Variants in SORCS3 observed in about 807,000 individuals in gnomAD.
SORCS3 encodes sortilin related VPS10 domain containing receptor 3.
In SORCS3, 57 loss-of-function variants were observed where a neutral mutation model predicts 146.3. The observed-to-expected ratio is 0.39, with a 90% CI of 0.31 to 0.49. The LOEUF is 0.49. Ranked by LOEUF, SORCS3 falls within the 20% of genes least tolerant of loss-of-function variation. The pLI, the probability that SORCS3 is intolerant of heterozygous loss-of-function variation, is 0.92. For synonymous variants in SORCS3, 653 were observed against 618.5 expected (o/e 1.06, Z -0.83); for missense variants, 1,341 against 1,575.5 (o/e 0.85, Z 2.52).
intron 1 of SORCS3, among the ~76,000 whole-genome samples, chr10:104,833,539 T>G (rs548926621): frequency 6.6e-6 from 1 of 152,270 alleles, no homozygotes; most frequent in South Asian, 2.1e-4. Context: ...CATCTGATGC[T>G]TGAAAGTCTC....
At chr10:105,199,910 T>G in intron 14 of SORCS3, 89 bp from the exon 15 acceptor site, 1 of 926,080 alleles carries the variant, frequency 1.1e-6, no homozygotes, top group East Asian at 2.5e-5. Context: ...CTGCAGTGAA[T>G]CTCTATCTCC....
chr10:104,915,797 T>C, intron 2 of SORCS3, 36 bp from the exon 3 acceptor site: 8 of 1,582,004 alleles, frequency 5.1e-6, no homozygotes, highest in South Asian at 2.2e-5. Flanking sequence ...ATTGGTAAAA[T>C]GATCTCTCCC....
intron 3 of SORCS3, among the ~76,000 whole-genome samples, chr10:104,917,219 T>G (rs2019039636): frequency 6.6e-6 from 1 of 152,174 alleles, no homozygotes; most frequent in Non-Finnish European, 1.5e-5. Context: ...TTTATTTGAG[T>G]AGTTTCTTTT....
rs2056292930 is a variant in SORCS3, at chr10:105,164,249, G to A, written c.1733-54G>A. 16 of 1,367,624 alleles carry A rather than the reference G, an allele frequency of 1.2e-5. 1 individual carries two copies. In the South Asian group the frequency reaches 1.9e-4, roughly 16 times the overall value. 84.7% of individuals were successfully genotyped at this position (1,367,624 alleles called of 1,614,324 possible). ...CTGCTCCCCCATCCCTCAGCCCTAAGCACACTTAATTGGTAAACTCCTGAC... is the reference window on the plus strand; with the variant it reads ...CTGCTCCCCCATCCCTCAGCCCTAAACACACTTAATTGGTAAACTCCTGAC... On this transcript the variant is annotated intron_variant, in intron 11 of 26. Coordinates refer to ENST00000369701, the MANE Select transcript of SORCS3 (RefSeq NM_014978.3).
intron 4 of SORCS3, among the ~76,000 whole-genome samples, chr10:104,995,977 A>G (rs1224578400): frequency 6.6e-6 from 1 of 152,212 alleles, no homozygotes; most frequent in Non-Finnish European, 1.5e-5. Context: ...GCATATGGAT[A>G]CCAAATTATT....
At chr10:105,177,122 G>T (rs2056410941) in intron 13 of SORCS3, among the ~76,000 whole-genome samples, 1 of 152,042 alleles carries the variant, frequency 6.6e-6, no homozygotes. Flanking sequence ...TTCAAGATCA[G>T]TTAAGGAGTC....
In SORCS3 at chr10:105,219,022, AAT is replaced by A. The variant is rs1554887616; in HGVS notation, c.2734+1911_2734+1912del. Among the ~76,000 whole-genome samples, 3 of 152,048 alleles carry A rather than the reference AAT, an allele frequency of 2.0e-5. No homozygotes were observed. The South Asian group carries it at 6.2e-4, about 32-fold the overall frequency. On this transcript the variant is annotated intron_variant, in intron 19 of 26. Transcript: ENST00000369701. The stretch of plus-strand genomic sequence containing the variant: ...AGAGCGAGACCCCGTCTCAAAAAAA[AAT>A]ATATATATATCTTATCTTCAATGCT...
intron 1 of SORCS3, among the ~76,000 whole-genome samples, chr10:104,833,335 TTTC>T: frequency 6.6e-6 from 1 of 152,082 alleles, no homozygotes; most frequent in East Asian, 1.9e-4. Context: ...TCAGCATTGG[TTTC>T]TTATGTTGGT....
rs184617956 is a variant in SORCS3 at position 104,781,639 on chromosome 10, T to C, written c.628-61153T>C. Reference sequence around the variant, plus strand: ...ACACAGAACAAACAAAAAATGATAATAGAAAGCTGCAAGTGTAAAGTATAT... The same window carrying C: ...ACACAGAACAAACAAAAAATGATAACAGAAAGCTGCAAGTGTAAAGTATAT... On this transcript the variant is annotated intron_variant, in intron 1 of 26. Coordinates refer to ENST00000369701, the MANE Select transcript of SORCS3 (RefSeq NM_014978.3). 7.7e-4 allele frequency among the ~76,000 whole-genome samples: 117 copies of C among 152,344 alleles called. 1 individual carries two copies. The South Asian group carries it at 0.012, about 15-fold the overall frequency.
intron 25 of SORCS3, among the ~76,000 whole-genome samples, 178 bp from the exon 26 acceptor site, chr10:105,262,153 G>A (rs1019896250): frequency 2.6e-5 from 4 of 152,096 alleles, no homozygotes; most frequent in African/African-American, 9.7e-5. Flanking sequence ...TGGGTTCCTA[G>A]CTGGCTTTGT....
intron 3 of SORCS3, among the ~76,000 whole-genome samples, chr10:104,959,028 A>C (rs1297569695): frequency 1.3e-5 from 2 of 152,174 alleles, no homozygotes; most frequent in Non-Finnish European, 2.9e-5. Context: ...TGGATGGGGC[A>C]TGGAGACAAA....
chr10:104,661,957 G>A lies in SORCS3; in HGVS notation c.627+20003G>A, dbSNP rs148012672. Among the ~76,000 whole-genome samples the A allele has an allele frequency of 3.1e-4, 47 of 152,266 alleles. 1 individual carries two copies. The highest frequency in any genetic ancestry group is 2.4e-3 in the Admixed American group (36 of 15,284). On this transcript the variant is annotated intron_variant, in intron 1 of 26. Transcript: ENST00000369701. The stretch of plus-strand genomic sequence containing the variant: ...ACTTACTGAAGGTTTGCTGTGTGCC[G>A]GGTGCCAGTTTTGGGTGCTTTATTT...
chr10:104,935,884 G>C (rs1416436827), intron 3 of SORCS3, among the ~76,000 whole-genome samples: 1 of 152,170 alleles, frequency 6.6e-6, no homozygotes, highest in East Asian at 1.9e-4. Flanking sequence ...GGTGGCAGAG[G>C]AGGAGGGAAA....
At chr10:104,948,991 C>T (rs2019400828) in intron 3 of SORCS3, among the ~76,000 whole-genome samples, 1 of 152,174 alleles carries the variant, frequency 6.6e-6, no homozygotes, top group Admixed American at 6.5e-5. Context: ...GAAAAGTCCA[C>T]CATCCAGAAT....
intron 7 of SORCS3, among the ~76,000 whole-genome samples, chr10:105,137,448 G>A (rs1475271688): frequency 2.0e-5 from 3 of 151,884 alleles, no homozygotes; most frequent in South Asian, 4.2e-4. Flanking sequence ...AAAAGACACC[G>A]AATTGTACAG....
At chr10:105,203,221 A>C (rs2119621256) in intron 16 of SORCS3, among the ~76,000 whole-genome samples, 2 of 152,322 alleles carry the variant, frequency 1.3e-5, no homozygotes, top group East Asian at 3.9e-4. Flanking sequence ...AAAATGAGAT[A>C]TACTAAGTGT....
intron 7 of SORCS3, among the ~76,000 whole-genome samples, chr10:105,132,171 A>G (rs1380279854): frequency 6.6e-6 from 1 of 152,022 alleles, no homozygotes; most frequent in Non-Finnish European, 1.5e-5. Flanking sequence ...ATGTTATATG[A>G]TTTTCCTACA....
At chr10:105,002,286 C>T (rs1321827616) in intron 4 of SORCS3, among the ~76,000 whole-genome samples, 1 of 152,174 alleles carries the variant, frequency 6.6e-6, no homozygotes, top group African/African-American at 2.4e-5. Context: ...CGTTTCTCAA[C>T]CTAGCTGGAG....
chr10:104,984,228 G>C (rs759685401), intron 4 of SORCS3, among the ~76,000 whole-genome samples: 4 of 152,108 alleles, frequency 2.6e-5, no homozygotes, highest in Non-Finnish European at 4.4e-5. Context: ...TAGAGAACTA[G>C]ACTAAACCAA....
Sources: allele counts gnomAD v4.1 joint callset (sites outside exome capture counted in the v4.1 genomes callset), GRCh38; gene constraint gnomAD v4.1.1; transcripts MANE v1.5; gene names NCBI Gene and HGNC (gene_info 2026-07-23, HGNC 2026-07-21).